Variants in LRFN2 observed in about 807,000 individuals in gnomAD.
LRFN2 encodes leucine rich repeat and fibronectin type III domain containing 2.
LRFN2 carries 18 observed loss-of-function variants against 37.3 expected under a neutral mutation model. That is an observed-to-expected ratio of 0.48 (90% confidence interval 0.33 to 0.72). LRFN2 has a LOEUF of 0.72. Ranked by LOEUF, LRFN2 falls within the 30% of genes least tolerant of loss-of-function variation. The pLI, the probability that LRFN2 is intolerant of heterozygous loss-of-function variation, is 0.02. For synonymous variants in LRFN2, 556 were observed against 466.6 expected (o/e 1.19, Z -2.47); for missense variants, 1,006 against 1,060.7 (o/e 0.95, Z 0.72).
chr6:40,465,311 G>A (rs976816948), intron 1 of LRFN2, among the ~76,000 whole-genome samples: 4 of 152,098 alleles, frequency 2.6e-5, no homozygotes, highest in East Asian at 1.9e-4. Context: ...CAGAACCGTC[G>A]GATCATATAT....
chr6:40,461,373 A>C (rs532416299), intron 1 of LRFN2, among the ~76,000 whole-genome samples: 1 of 152,216 alleles, frequency 6.6e-6, no homozygotes, highest in South Asian at 2.1e-4. Context: ...ACACCATTGC[A>C]CTCCAGCCTG....
intron 1 of LRFN2, among the ~76,000 whole-genome samples, chr6:40,468,887 G>A (rs1046875428): frequency 3.9e-5 from 6 of 152,186 alleles, no homozygotes; most frequent in African/African-American, 1.4e-4. Context: ...GCAGTGAGTG[G>A]CATGCAGGGG....
intron 2 of LRFN2, among the ~76,000 whole-genome samples, chr6:40,411,486 G>A (rs1219190246): frequency 3.3e-5 from 5 of 152,214 alleles, no homozygotes; most frequent in Non-Finnish European, 7.3e-5. Context: ...CACAGGTCGG[G>A]TGAACACTCG....
At chr6:40,557,415 C>T (rs1766911119) in intron 1 of LRFN2, among the ~76,000 whole-genome samples, 1 of 152,190 alleles carries the variant, frequency 6.6e-6, no homozygotes, top group South Asian at 2.1e-4. Context: ...AAGGCTACCA[C>T]TGCTGGCCTT....
intron 1 of LRFN2, among the ~76,000 whole-genome samples, chr6:40,497,507 T>C (rs1765261253): frequency 6.6e-6 from 1 of 152,174 alleles, no homozygotes; most frequent in Non-Finnish European, 1.5e-5. Context: ...AAGCACTCTG[T>C]TTTCTTCTTT....
intron 1 of LRFN2, among the ~76,000 whole-genome samples, chr6:40,529,734 G>A (rs1339276012): frequency 5.3e-5 from 8 of 152,292 alleles, no homozygotes; most frequent in African/African-American, 1.7e-4. Flanking sequence ...CCAAGGTACT[G>A]ACACTCTCTG....
intron 1 of LRFN2, among the ~76,000 whole-genome samples, chr6:40,555,610 T>TC (rs1396667438): frequency 6.6e-6 from 1 of 152,064 alleles, no homozygotes; most frequent in Non-Finnish European, 1.5e-5. Flanking sequence ...ATTCTTTCAT[T>TC]CTCAGCCCCA....
chr6:40,507,527 G>A (rs1298613841), intron 1 of LRFN2, among the ~76,000 whole-genome samples: 2 of 152,176 alleles, frequency 1.3e-5, no homozygotes, highest in African/African-American at 4.8e-5. Flanking sequence ...TAAAGGTGGA[G>A]GGCTCTGAAG....
At chr6:40,514,014 C>T (rs1338295094) in intron 1 of LRFN2, among the ~76,000 whole-genome samples, 2 of 151,546 alleles carry the variant, frequency 1.3e-5, no homozygotes, top group African/African-American at 4.8e-5. Flanking sequence ...GACCACCATG[C>T]CAGGCTAAAA....
chr6:40,553,145 G>A (rs1766808374), intron 1 of LRFN2, among the ~76,000 whole-genome samples: 1 of 152,108 alleles, frequency 6.6e-6, no homozygotes, highest in African/African-American at 2.4e-5. Flanking sequence ...GCTTTTCTCA[G>A]CCACTTCTAG....
intron 1 of LRFN2, among the ~76,000 whole-genome samples, chr6:40,490,271 A>G (rs1765058043): frequency 6.6e-6 from 1 of 152,226 alleles, no homozygotes; most frequent in African/African-American, 2.4e-5. Context: ...TCATAAAATC[A>G]TCTTGCTTGG....
intron 1 of LRFN2, among the ~76,000 whole-genome samples, chr6:40,515,131 C>T (rs1765825537): frequency 6.6e-6 from 1 of 152,142 alleles, no homozygotes; most frequent in African/African-American, 2.4e-5. Flanking sequence ...GTCTTACTTT[C>T]CTAATTTGGC....
At chr6:40,410,755 G>A (rs575428707) in intron 2 of LRFN2, among the ~76,000 whole-genome samples, 7 of 152,280 alleles carry the variant, frequency 4.6e-5, no homozygotes, top group Admixed American at 6.5e-5. Context: ...AAGATGAGCC[G>A]CCTGAGGGCA....
intron 1 of LRFN2, among the ~76,000 whole-genome samples, chr6:40,488,314 C>T (rs1189846527): frequency 6.6e-6 from 1 of 152,060 alleles, no homozygotes; most frequent in Non-Finnish European, 1.5e-5. Flanking sequence ...CCTTTCTTCT[C>T]CCACTCTGCT....
Position 40,578,320 on chromosome 6 carries a change from C to G in LRFN2, c.-19+8621G>C, listed in dbSNP as rs576628571. ...ATAAGGGCCAGGTGGGAAGGCCAGT[C>G]CTGAACTTATCAGCTATCATCATCC... On this transcript the variant is annotated intron_variant, in intron 1 of 2. Transcript: ENST00000338305. Among the ~76,000 whole-genome samples, 3 of 152,294 alleles carry G rather than the reference C, an allele frequency of 2.0e-5. No homozygotes were observed. The East Asian group carries it at 5.8e-4, about 29-fold the overall frequency.
rs552458607 is a variant in LRFN2 at position 40,426,859 on chromosome 6, C to T, written c.1400+4855G>A. ...CAAGACTGTGCCATCCCAGATTAAACATATTAAAGCTCTGCTCTGACCAGC... is the reference window on the plus strand; with the variant it reads ...CAAGACTGTGCCATCCCAGATTAAATATATTAAAGCTCTGCTCTGACCAGC... On this transcript the variant is annotated intron_variant, in intron 2 of 2. Transcript: ENST00000338305. Among the ~76,000 whole-genome samples the T allele has an allele frequency of 8.4e-4, 128 of 152,298 alleles. 1 individual carries two copies. The highest frequency in any genetic ancestry group is 2.9e-3 in the African/African-American group (122 of 41,556).
chr6:40,557,271 C>T (rs760302149), intron 1 of LRFN2, among the ~76,000 whole-genome samples: 14 of 152,182 alleles, frequency 9.2e-5, no homozygotes, highest in Admixed American at 4.6e-4. Context: ...CCCAAGGCAC[C>T]GACATCTGAC....
At chr6:40,509,952 G>T (rs1470968682) in intron 1 of LRFN2, among the ~76,000 whole-genome samples, 1 of 151,678 alleles carries the variant, frequency 6.6e-6, no homozygotes, top group South Asian at 2.1e-4. Flanking sequence ...GGTAGGAGGG[G>T]TGGGTGTATG....
intron 1 of LRFN2, among the ~76,000 whole-genome samples, chr6:40,565,590 A>G (rs1767072899): frequency 6.6e-6 from 1 of 152,232 alleles, no homozygotes; most frequent in Admixed American, 6.5e-5. Flanking sequence ...ACCTATCTAC[A>G]ACCATCTGAT....
Sources: allele counts gnomAD v4.1 joint callset (sites outside exome capture counted in the v4.1 genomes callset), GRCh38; gene constraint gnomAD v4.1.1; transcripts MANE v1.5; gene names NCBI Gene and HGNC (gene_info 2026-07-23, HGNC 2026-07-21).